ADAM10: variants seen among roughly 807,000 people sequenced by gnomAD.
The protein encoded by ADAM10 is ADAM metallopeptidase domain 10, also known as disintegrin and metalloproteinase domain-containing protein 10.
In ADAM10, 17 loss-of-function variants were observed where a neutral mutation model predicts 90.1. The ratio of observed to expected loss-of-function variants is 0.19; its 90% CI spans 0.13 to 0.28. The LOEUF (loss-of-function observed/expected upper bound fraction) is 0.28, where lower values mean the gene tolerates loss of function less well. Ranked by LOEUF, ADAM10 falls within the 10% of genes least tolerant of loss-of-function variation. The probability of loss-of-function intolerance (pLI) is 1.00; values close to 1 mark genes in which losing one functional copy is unlikely to be tolerated. For missense variants in ADAM10, 610 were observed against 914.3 expected (o/e 0.67, Z 4.29); for synonymous variants, 310 against 298.6 (o/e 1.04, Z -0.40).
intron 1 of ADAM10, among the ~76,000 whole-genome samples, chr15:58,735,602 T>C (rs1451144190): frequency 6.6e-6 from 1 of 152,162 alleles, no homozygotes; most frequent in African/African-American, 2.4e-5. Context: ...TAAATAGTTG[T>C]TGTACTGTGT....
At chr15:58,600,098 T>C (rs560513655) in intron 14 of ADAM10, among the ~76,000 whole-genome samples, 2 of 147,260 alleles carry the variant, frequency 1.4e-5, no homozygotes, top group South Asian at 2.2e-4. Flanking sequence ...GGTTTAAATA[T>C]TGCCTTTGTT....
In ADAM10 at chr15:58,593,752, C is replaced by G. The variant is rs1468005298; in HGVS notation, c.*3795G>C. On this transcript the variant is annotated 3_prime_UTR_variant, in exon 16 of 16. Transcript: ENST00000260408. ...CTCAATGCTCCGTTTTACCTAGCATCCTGTTGCTTTTTATAGAAGAGATGC... is the reference window on the plus strand; with the variant it reads ...CTCAATGCTCCGTTTTACCTAGCATGCTGTTGCTTTTTATAGAAGAGATGC... The G allele has an allele frequency of 6.6e-6, 1 of 152,134 alleles. No individual in the cohort carries two copies. Among genetic ancestry groups the G allele is most frequent in the African/African-American group, 2.4e-5 (1 of 41,416 alleles). The allele number at this position is 152,134 out of a possible 1,614,324, so 9.4% of individuals were successfully genotyped here.
At chr15:58,667,863 G>T (rs145296485) in intron 4 of ADAM10, among the ~76,000 whole-genome samples, 86 of 151,976 alleles carry the variant, frequency 5.7e-4, no homozygotes, top group African/African-American at 2.0e-3. Flanking sequence ...TTTCTCCCGG[G>T]TACCAATTCT....
chr15:58,655,425 GA>G, intron 5 of ADAM10: 1 of 152,878 alleles, frequency 6.5e-6, no homozygotes, highest in Non-Finnish European at 1.5e-5. Flanking sequence ...GTCTGTGGGG[GA>G]AGATGCCACA....
intron 2 of ADAM10, chr15:58,692,777 C>T: frequency 1.6e-6 from 1 of 615,382 alleles, no homozygotes; most frequent in Non-Finnish European, 3.2e-6. Flanking sequence ...GCTACTTTCT[C>T]TGCCACCAGG....
At chr15:58,638,629 A>G (rs1476265146) in intron 8 of ADAM10, among the ~76,000 whole-genome samples, 191 of 151,302 alleles carry the variant, frequency 1.3e-3, no homozygotes, top group Non-Finnish European at 2.1e-3. Flanking sequence ...AAAAAAAAAA[A>G]AAAAAAGAAA....
intron 1 of ADAM10, among the ~76,000 whole-genome samples, chr15:58,730,191 A>G (rs1172594210): frequency 6.6e-6 from 1 of 152,204 alleles, no homozygotes; most frequent in Non-Finnish European, 1.5e-5. Context: ...ATTTAACAAT[A>G]CATTAATAGG....
intron 14 of ADAM10, among the ~76,000 whole-genome samples, chr15:58,599,944 T>A (rs1895064134): frequency 1.3e-5 from 2 of 152,178 alleles, no homozygotes; most frequent in African/African-American, 4.8e-5. Context: ...CATAATTTCA[T>A]CTCATAGAGG....
intron 1 of ADAM10, among the ~76,000 whole-genome samples, chr15:58,729,417 C>T (rs1310303267): frequency 6.6e-6 from 1 of 152,172 alleles, no homozygotes; most frequent in Non-Finnish European, 1.5e-5. Context: ...GCATAGGTAT[C>T]TCCGGGGAAA....
intron 14 of ADAM10, 40 bp downstream of exon 14, chr15:58,610,257 A>G: frequency 6.4e-7 from 1 of 1,574,010 alleles, no homozygotes; most frequent in Middle Eastern, 1.7e-4. Context: ...TTAAGATCAA[A>G]CCACTTTAAG....
chr15:58,610,590 G>T, intron 13 of ADAM10, 73 bp from the exon 14 acceptor site: 1 of 1,465,416 alleles, frequency 6.8e-7, no homozygotes, highest in East Asian at 2.3e-5. Flanking sequence ...TTCCAGTTGT[G>T]CAAATACAAA....
Position 58,610,494 on chromosome 15 carries a change from T to C in ADAM10, c.1828A>G (p.Thr610Ala). The C allele has an allele frequency of 6.2e-7, 1 of 1,614,192 alleles. No homozygotes were observed. The highest frequency in any genetic ancestry group is 8.5e-7 in the Non-Finnish European group (1 of 1,180,028). Residue 610 changes from threonine to alanine, a missense_variant, in exon 14 of 16, where the codon ACA (threonine) becomes GCA (alanine). Physicochemically the swap from Thr to Ala is moderately conservative, Grantham distance 58. Around this residue, in one of 4 missense-constraint regions of ADAM10, gnomAD observed 150 missense variants for 268.5 expected, o/e 0.56. Transcript: ENST00000260408. ...KKMDPSTCASTGSVQWSRHFS... is the reference protein window; with the variant it reads ...KKMDPSTCASAGSVQWSRHFS... Reference sequence around the variant, plus strand: ...TGCCTACTCCACTGCACAGACCCTGTACTGGCACAAGTTGATGGGTCCACT... The same window carrying C: ...TGCCTACTCCACTGCACAGACCCTGCACTGGCACAAGTTGATGGGTCCACT...
Position 58,699,144 on chromosome 15 carries a change from T to G in ADAM10, c.207-16830A>C, listed in dbSNP as rs1284960450. Among the ~76,000 whole-genome samples the G allele has an allele frequency of 2.0e-5, 3 of 152,154 alleles. No individual in the cohort carries two copies. In the East Asian group the frequency reaches 5.8e-4, roughly 29 times the overall value. On this transcript the variant is annotated intron_variant, in intron 2 of 15. Transcript: ENST00000260408. ...GGCCAGGAGAAAATGGGATGATATA[T>G]TCAAAGTGCTAAAAGAAAAAAATAC...
intron 15 of ADAM10, 141 bp from the exon 16 acceptor site, chr15:58,597,782 T>C: frequency 1.4e-6 from 1 of 725,774 alleles, no homozygotes; most frequent in African/African-American, 1.8e-5. Flanking sequence ...TTTAAAATCT[T>C]CTGATAGCCA....
At chr15:58,711,917 T>A (rs549731777) in intron 2 of ADAM10, among the ~76,000 whole-genome samples, 1 of 152,034 alleles carries the variant, frequency 6.6e-6, no homozygotes, top group Non-Finnish European at 1.5e-5. Flanking sequence ...ACAAGCTCTA[T>A]TAGGAAGAAG....
At chr15:58,747,880 G>A (rs1899841619) in intron 1 of ADAM10, 1 of 152,130 alleles carries the variant, frequency 6.6e-6, no homozygotes, top group African/African-American at 2.4e-5. Flanking sequence ...CTACTACTCA[G>A]TAAAGTGCCT....
chr15:58,746,915 A>T (rs1342267996), intron 1 of ADAM10, among the ~76,000 whole-genome samples: 7 of 152,246 alleles, frequency 4.6e-5, no homozygotes, highest in African/African-American at 1.7e-4. Flanking sequence ...ATTCCGACTC[A>T]GAGTCAGAGA....
At chr15:58,739,324 G>A (rs1899528401) in intron 1 of ADAM10, among the ~76,000 whole-genome samples, 1 of 146,914 alleles carries the variant, frequency 6.8e-6, no homozygotes, top group Admixed American at 6.7e-5. Context: ...GGCTAACATG[G>A]TGAAACCCCG....
At chr15:58,734,238 G>A (rs924563152) in intron 1 of ADAM10, among the ~76,000 whole-genome samples, 1 of 152,032 alleles carries the variant, frequency 6.6e-6, no homozygotes, top group Non-Finnish European at 1.5e-5. Flanking sequence ...AATGTATCAA[G>A]CACTTGCTAT....
Sources: gnomAD v4.1 joint callset for allele counts (sites outside exome capture counted in the v4.1 genomes callset) on GRCh38, gnomAD v4.1.1 for gene constraint, gnomAD v4.1.1 regional missense constraint, MANE v1.5 for transcripts, NCBI Gene and HGNC (gene_info 2026-07-23, HGNC 2026-07-21) for gene names.